The following STK32C variants were observed in gnomAD, a reference collection of about 807,000 sequenced individuals.
STK32C encodes the protein serine/threonine-protein kinase 32C.
Under a neutral mutation model 56.5 loss-of-function variants are expected in STK32C, and 31 were observed. The ratio of observed to expected loss-of-function variants is 0.55; its 90% CI spans 0.41 to 0.74. The LOEUF is 0.74. STK32C is among the 30% of genes least tolerant of loss of function. The pLI, the probability that STK32C is intolerant of heterozygous loss-of-function variation, is 0.00. For missense variants in STK32C, 544 were observed against 676.9 expected, an observed-to-expected ratio of 0.80 and a Z score of 2.18; for synonymous variants, 309 against 289.4, an observed-to-expected ratio of 1.07 and a Z score of -0.69.
intron 1 of STK32C, among the ~76,000 whole-genome samples, chr10:132,260,006 G>A (rs1394223573): frequency 2.0e-5 from 3 of 152,066 alleles, no homozygotes; most frequent in African/African-American, 4.8e-5. Context: ...AGGGCAGAGC[G>A]CACGCATCAC....
chr10:132,231,538 T>C (rs1440584838), intron 2 of STK32C, among the ~76,000 whole-genome samples: 2 of 152,218 alleles, frequency 1.3e-5, no homozygotes, highest in Non-Finnish European at 2.9e-5. Flanking sequence ...CTGGAGACCC[T>C]GGTGGAAACG....
At chr10:132,241,715 C>T (rs115914435) in intron 2 of STK32C, among the ~76,000 whole-genome samples, 2,778 of 152,290 alleles carry the variant, frequency 0.018, 89 homozygotes, top group African/African-American at 0.061. Flanking sequence ...TCAGCGAACC[C>T]TTCATTCAGG....
At chr10:132,249,037 GCC>G (rs2063791003) in intron 1 of STK32C, 2 of 473,240 alleles carry the variant, frequency 4.2e-6, no homozygotes, top group Non-Finnish European at 8.4e-6. Flanking sequence ...CACCTGCAAA[GCC>G]TCCCGACTGT....
chr10:132,325,766 G>A (rs1466158191), intron 1 of STK32C, among the ~76,000 whole-genome samples: 2 of 150,090 alleles, frequency 1.3e-5, no homozygotes, highest in East Asian at 4.0e-4. Context: ...CTGTTGCCCA[G>A]GCTGGGGTGC....
In STK32C at chr10:132,329,986, G is replaced by T. The variant is rs370088672; in HGVS notation, c.301+1450C>A. ...GGCAGGGTAGCAGCAGTCGCTGCCCGGAGGAAGGTCCTAAAATCAAGACAG... is the reference window on the plus strand; with the variant it reads ...GGCAGGGTAGCAGCAGTCGCTGCCCTGAGGAAGGTCCTAAAATCAAGACAG... On this transcript the variant is annotated intron_variant, in intron 1 of 1. Transcript: ENST00000368619. 5.4e-4 allele frequency among the ~76,000 whole-genome samples: 80 copies of T among 149,020 alleles called. 1 individual carries two copies. The East Asian group carries it at 0.014, about 27-fold the overall frequency.
chr10:132,224,704 C>T (rs1045098407), intron 7 of STK32C, among the ~76,000 whole-genome samples, 181 bp from the exon 8 acceptor site: 3 of 151,974 alleles, frequency 2.0e-5, no homozygotes, highest in South Asian at 2.1e-4. Context: ...ATAAAGCTTA[C>T]GCCTGGGTCC....
chr10:132,251,432 G>T (rs543184108), intron 1 of STK32C, among the ~76,000 whole-genome samples: 2 of 152,278 alleles, frequency 1.3e-5, no homozygotes, highest in African/African-American at 4.8e-5. Flanking sequence ...GGCCTCAGAG[G>T]GGAGTGGGCA....
intron 1 of STK32C, among the ~76,000 whole-genome samples, chr10:132,295,646 G>A (rs186331324): frequency 3.3e-5 from 5 of 152,234 alleles, no homozygotes; most frequent in East Asian, 1.9e-4. Flanking sequence ...AGCACTTCGG[G>A]GGGCCGAGGA....
intron 2 of STK32C, among the ~76,000 whole-genome samples, chr10:132,243,517 A>T (rs2063579530): frequency 2.0e-5 from 3 of 152,306 alleles, no homozygotes; most frequent in African/African-American, 7.2e-5. Flanking sequence ...CCTCCCTGCT[A>T]AGTGGTTAGT....
intron 8 of STK32C, among the ~76,000 whole-genome samples, chr10:132,223,395 G>T (rs1252423153): frequency 6.6e-6 from 1 of 152,186 alleles, no homozygotes; most frequent in African/African-American, 2.4e-5. Context: ...CAGGCCAGAT[G>T]AGCCCGGGGC....
At chr10:132,332,074 C>A (rs1234093088), upstream of STK32C, 4 of 266,148 alleles carry the variant, frequency 1.5e-5, no homozygotes, top group East Asian at 3.0e-4. Flanking sequence ...CACACCCCCG[C>A]GCGCAGGCGC....
At chr10:132,310,950 C>T (rs1430239330), upstream of STK32C, among the ~76,000 whole-genome samples, 1 of 152,018 alleles carries the variant, frequency 6.6e-6, no homozygotes, top group Non-Finnish European at 1.5e-5. The surrounding 1 kb of genome is among the most constrained non-coding windows in gnomAD (Gnocchi z 4.6). Context: ...CCGGCTTGTG[C>T]GGGAGGACAG....
intron 1 of STK32C, among the ~76,000 whole-genome samples, chr10:132,329,015 C>T (rs1417334617): frequency 6.6e-6 from 1 of 152,254 alleles, no homozygotes; most frequent in Middle Eastern, 3.2e-3. Flanking sequence ...GATTTCAAAA[C>T]ACAGGACTCC....
chr10:132,318,174 A>G (rs1249917026), intron 1 of STK32C, among the ~76,000 whole-genome samples: 1 of 152,040 alleles, frequency 6.6e-6, no homozygotes, highest in Non-Finnish European at 1.5e-5. Flanking sequence ...ATGCTGAGGC[A>G]GGAGAATCAC....
chr10:132,306,756 T>A (rs2066078061), intron 1 of STK32C, among the ~76,000 whole-genome samples: 1 of 152,264 alleles, frequency 6.6e-6, no homozygotes, highest in African/African-American at 2.4e-5. Flanking sequence ...TTTAAATGAT[T>A]TGCATGTTAC....
intron 1 of STK32C, among the ~76,000 whole-genome samples, chr10:132,258,762 G>C (rs980362950): frequency 3.3e-5 from 5 of 152,194 alleles, no homozygotes; most frequent in African/African-American, 4.8e-5. Context: ...CCTCCTGAGC[G>C]GGCCCAGGCC....
chr10:132,263,846 A>T (rs969523000), intron 1 of STK32C, among the ~76,000 whole-genome samples: 2 of 149,948 alleles, frequency 1.3e-5, no homozygotes, highest in African/African-American at 4.9e-5. Flanking sequence ...AGCCTGGATG[A>T]CAGAACGAGA....
At chr10:132,234,172 G>A (rs1308655766) in intron 2 of STK32C, among the ~76,000 whole-genome samples, 3 of 152,042 alleles carry the variant, frequency 2.0e-5, no homozygotes, top group Non-Finnish European at 2.9e-5. Flanking sequence ...AGCTCTCCTC[G>A]CCCTGGGATC....
chr10:132,321,971 AAT>A (rs1458001581), downstream of STK32C, among the ~76,000 whole-genome samples: 2 of 152,062 alleles, frequency 1.3e-5, no homozygotes, highest in Non-Finnish European at 2.9e-5. Flanking sequence ...TGCACTTGAG[AAT>A]TCAACCCTGC....
Sources: gnomAD v4.1 joint callset for allele counts (sites outside exome capture counted in the v4.1 genomes callset) on GRCh38, gnomAD v4.1.1 for gene constraint, Gnocchi (gnomAD v3.1) non-coding constraint, MANE v1.5 for transcripts, NCBI Gene and HGNC (gene_info 2026-07-23, HGNC 2026-07-21) for gene names.